Variants in SERPINI1 observed in about 807,000 individuals in gnomAD.
SERPINI1 encodes neuroserpin.
A neutral mutation model predicts 41.1 loss-of-function variants in SERPINI1; 19 were observed. The observed-to-expected ratio is 0.46, with a 90% CI of 0.32 to 0.68. The LOEUF (loss-of-function observed/expected upper bound fraction) is 0.68, where lower values mean the gene tolerates loss of function less well. SERPINI1 is among the 30% of genes least tolerant of loss of function. The probability of loss-of-function intolerance (pLI) is 0.03; values close to 1 mark genes in which losing one functional copy is unlikely to be tolerated. For synonymous variants in SERPINI1, 138 were observed against 156.6 expected (o/e 0.88, Z 0.89); for missense variants, 460 against 479.2 (o/e 0.96, Z 0.37).
intron 6 of SERPINI1, among the ~76,000 whole-genome samples, chr3:167,821,754 T>C (rs920078346): frequency 2.6e-5 from 4 of 152,222 alleles, no homozygotes; most frequent in African/African-American, 9.6e-5. Flanking sequence ...CTGTAACATA[T>C]GTATGTGTAA....
At chr3:167,808,332 A>G (rs1254957573) in intron 6 of SERPINI1, among the ~76,000 whole-genome samples, 1 of 151,740 alleles carries the variant, frequency 6.6e-6, no homozygotes, top group Non-Finnish European at 1.5e-5. Context: ...AAGCATTTAT[A>G]ATTTGTAAAA....
chr3:167,759,766 C>T (rs1253452284), intron 1 of SERPINI1, among the ~76,000 whole-genome samples: 1 of 151,760 alleles, frequency 6.6e-6, no homozygotes, highest in African/African-American at 2.4e-5. Context: ...CTCCCTGAAA[C>T]TAAAATAAAA....
intron 1 of SERPINI1, among the ~76,000 whole-genome samples, chr3:167,774,911 T>C (rs1403598079): frequency 6.6e-6 from 1 of 152,038 alleles, no homozygotes; most frequent in Non-Finnish European, 1.5e-5. Context: ...GCTGACATTG[T>C]AGTGGAGAGA....
At chr3:167,806,855 TAA>T (rs35823499) in intron 5 of SERPINI1, among the ~76,000 whole-genome samples, 5,475 of 148,718 alleles carry the variant, frequency 0.037, 318 homozygotes, top group African/African-American at 0.13. Flanking sequence ...ATCTCCAGCT[TAA>T]AAAAAAAAAT....
intron 4 of SERPINI1, among the ~76,000 whole-genome samples, chr3:167,793,248 A>G (rs1425366841): frequency 6.6e-6 from 1 of 152,176 alleles, no homozygotes; most frequent in Non-Finnish European, 1.5e-5. Context: ...GCTTTAATTT[A>G]TTGAGAGCCT....
At chr3:167,771,584 T>C (rs556528110) in intron 1 of SERPINI1, among the ~76,000 whole-genome samples, 1 of 152,344 alleles carries the variant, frequency 6.6e-6, no homozygotes, top group South Asian at 2.1e-4. Context: ...TTTTTATAAC[T>C]TTTGCCTTTG....
At chr3:167,768,629 A>T (rs1726640659) in intron 1 of SERPINI1, among the ~76,000 whole-genome samples, 1 of 152,236 alleles carries the variant, frequency 6.6e-6, no homozygotes, top group Non-Finnish European at 1.5e-5. Flanking sequence ...TCTTCTGTGT[A>T]TCTGAGTTTT....
chr3:167,802,277 G>A (rs1444522749), intron 5 of SERPINI1, among the ~76,000 whole-genome samples: 3 of 151,850 alleles, frequency 2.0e-5, no homozygotes, highest in Non-Finnish European at 4.4e-5. Context: ...TTGACAAATG[G>A]GATCTAATTA....
rs755311803 is a variant in SERPINI1 at position 167,790,381 on chromosome 3, T to C, written c.260T>C (p.Phe87Ser). Residue 87 changes from phenylalanine to serine, a missense_variant, in exon 3 of 9, where the codon TTT (phenylalanine) becomes TCT (serine). By Grantham distance (155) the Phe-to-Ser change is radical (BLOSUM62 -2). Coordinates refer to ENST00000446050, the MANE Select transcript of SERPINI1 (RefSeq NM_001122752.2). ...GYDSLKNGEE[F>S]SFLKEFSNMV... ...CTTTCTCATCTTTCAGGTGAAGAAT[T>C]TTCTTTCTTGAAGGAGTTTTCAAAC... The C allele has an allele frequency of 5.0e-6, 8 of 1,609,832 alleles. No individual in the cohort carries two copies. In the East Asian group the frequency reaches 1.6e-4, roughly 31 times the overall value.
At chr3:167,802,405 A>G (rs1727929106) in intron 5 of SERPINI1, among the ~76,000 whole-genome samples, 2 of 150,204 alleles carry the variant, frequency 1.3e-5, no homozygotes, top group Non-Finnish European at 3.0e-5. Context: ...TCCAGAATCT[A>G]CAATGAACTC....
intron 8 of SERPINI1, 150 bp from the exon 9 acceptor site, chr3:167,825,097 G>C: frequency 1.5e-6 from 1 of 687,508 alleles, no homozygotes; most frequent in Admixed American, 2.1e-5. Context: ...GGAAGGAAGA[G>C]AGAGAGGAAG....
intron 4 of SERPINI1, among the ~76,000 whole-genome samples, chr3:167,794,113 C>T (rs1727633880): frequency 6.6e-6 from 1 of 152,062 alleles, no homozygotes; most frequent in Admixed American, 6.6e-5. Flanking sequence ...GCTTTGCAGT[C>T]AACTTGGAGC....
At chr3:167,747,750 T>C (rs1337133750) in intron 1 of SERPINI1, among the ~76,000 whole-genome samples, 2 of 152,180 alleles carry the variant, frequency 1.3e-5, no homozygotes, top group Non-Finnish European at 2.9e-5. Flanking sequence ...GTGAATATAA[T>C]ATTTAAAACT....
chr3:167,820,831 G>C (rs1195699976), intron 6 of SERPINI1, among the ~76,000 whole-genome samples: 1 of 152,214 alleles, frequency 6.6e-6, no homozygotes, highest in African/African-American at 2.4e-5. Context: ...GGTCCAGGCT[G>C]CCAGTTCTGT....
At chr3:167,783,111 T>G (rs943800939) in intron 1 of SERPINI1, among the ~76,000 whole-genome samples, 5 of 152,136 alleles carry the variant, frequency 3.3e-5, no homozygotes, top group African/African-American at 1.2e-4. Flanking sequence ...CAGCATATGT[T>G]GGATTGAAGA....
intron 8 of SERPINI1, 39 bp downstream of exon 8, chr3:167,824,601 C>A: frequency 1.6e-6 from 2 of 1,274,242 alleles, no homozygotes; most frequent in South Asian, 1.2e-5. Flanking sequence ...TTTAATAGGT[C>A]ACAAAGAACC....
intron 1 of SERPINI1, among the ~76,000 whole-genome samples, chr3:167,772,864 CTA>C (rs1161668820): frequency 2.8e-4 from 7 of 24,666 alleles, no homozygotes; most frequent in Admixed American, 1.3e-3. Flanking sequence ...CTCTCTCTCT[CTA>C]TATATATATA....
intron 1 of SERPINI1, among the ~76,000 whole-genome samples, chr3:167,782,681 T>G (rs1249828451): frequency 6.6e-6 from 1 of 152,108 alleles, no homozygotes; most frequent in Non-Finnish European, 1.5e-5. Flanking sequence ...TATGTGCTAT[T>G]GGAGAGGTAG....
chr3:167,792,139 AC>A (rs202063352), intron 3 of SERPINI1, among the ~76,000 whole-genome samples: 2 of 152,032 alleles, frequency 1.3e-5, no homozygotes, highest in African/African-American at 2.4e-5. Context: ...AAACAAACAA[AC>A]AAAAAACAGA....
Sources: gnomAD v4.1 joint callset for allele counts (sites outside exome capture counted in the v4.1 genomes callset) on GRCh38, gnomAD v4.1.1 for gene constraint, MANE v1.5 for transcripts, NCBI Gene and HGNC (gene_info 2026-07-23, HGNC 2026-07-21) for gene names.